Variants in NCKAP5 observed in about 807,000 individuals in gnomAD.
The protein encoded by NCKAP5 is NCK associated protein 5.
NCKAP5 carries 92 observed loss-of-function variants against 167.0 expected under a neutral mutation model. That is an observed-to-expected ratio of 0.55 (90% CI 0.47 to 0.66). The LOEUF (loss-of-function observed/expected upper bound fraction) is 0.66. Among genes scored for constraint, NCKAP5 ranks in the 30% least tolerant of loss-of-function variants. The pLI is 0.00. For synonymous variants in NCKAP5, 891 were observed against 877.4 expected (o/e 1.02, Z -0.27); for missense variants, 2,378 against 2,315.0 (o/e 1.03, Z -0.56).
chr2:133,031,463 A>G (rs2078876550), intron 6 of NCKAP5, among the ~76,000 whole-genome samples: 1 of 152,234 alleles, frequency 6.6e-6, no homozygotes, highest in Non-Finnish European at 1.5e-5. Context: ...GAGTGCCTGC[A>G]AACCTTGCCA....
chr2:133,247,365 T>C (rs2088052457), intron 4 of NCKAP5, among the ~76,000 whole-genome samples: 1 of 152,212 alleles, frequency 6.6e-6, no homozygotes, highest in African/African-American at 2.4e-5. Context: ...CATAAAGTGA[T>C]TTTATTCTAT....
intron 7 of NCKAP5, among the ~76,000 whole-genome samples, chr2:132,984,569 T>C (rs1182656874): frequency 6.6e-6 from 1 of 152,184 alleles, no homozygotes; most frequent in Non-Finnish European, 1.5e-5. Flanking sequence ...CGCCATGCTG[T>C]GCTCGCCGTG....
chr2:133,377,067 A>G (rs1290937826), intron 3 of NCKAP5, among the ~76,000 whole-genome samples: 1 of 152,232 alleles, frequency 6.6e-6, no homozygotes, highest in African/African-American at 2.4e-5. Flanking sequence ...TAACATACAA[A>G]AAAAGAAAAT....
intron 3 of NCKAP5, among the ~76,000 whole-genome samples, chr2:133,403,256 T>G (rs1386116422): frequency 1.3e-5 from 2 of 152,206 alleles, no homozygotes; most frequent in African/African-American, 4.8e-5. Context: ...GAAGTAATTA[T>G]GAGTAATTAA....
At chr2:133,262,371 C>T (rs1211346169) in intron 4 of NCKAP5, among the ~76,000 whole-genome samples, 2 of 152,168 alleles carry the variant, frequency 1.3e-5, no homozygotes, top group Non-Finnish European at 2.9e-5. Context: ...AGTGCTATGA[C>T]TTATGTTCAA....
At chr2:133,674,478 C>A in the NCKAP5 span, among the ~76,000 whole-genome samples, 1 of 152,042 alleles carries the variant, frequency 6.6e-6, no homozygotes. Context: ...GCAGACACCA[C>A]GTGCCATGTA....
intron 5 of NCKAP5, among the ~76,000 whole-genome samples, chr2:133,130,691 C>A (rs758173905): frequency 2.0e-5 from 3 of 152,152 alleles, no homozygotes; most frequent in Non-Finnish European, 2.9e-5. Context: ...GCTCATCTCA[C>A]GAACGGGTAT....
intron 13 of NCKAP5, among the ~76,000 whole-genome samples, chr2:132,788,111 C>G (rs904920381): frequency 6.6e-6 from 1 of 152,084 alleles, no homozygotes; most frequent in Admixed American, 6.6e-5. Flanking sequence ...CTAGGCCAAT[C>G]TTGAAGCTTG....
chr2:133,407,494 C>T lies in NCKAP5; in HGVS notation c.70-104384G>A, dbSNP rs1020525677. ...GACAGGAGGACGGGTGGGTTGGTTG[C>T]GGGAGGCAAGGCAAGGAATCCATTT... On this transcript the variant is annotated intron_variant, in intron 3 of 19. Coordinates refer to ENST00000409261, the MANE Select transcript of NCKAP5 (RefSeq NM_207363.3). 5.3e-5 allele frequency among the ~76,000 whole-genome samples: 8 copies of T among 152,228 alleles called. No homozygotes were observed. The South Asian group carries it at 1.0e-3, about 20-fold the overall frequency.
intron 3 of NCKAP5, among the ~76,000 whole-genome samples, chr2:133,355,424 A>G (rs760913446): frequency 1.3e-5 from 2 of 152,236 alleles, no homozygotes; most frequent in Non-Finnish European, 2.9e-5. Context: ...CTCAAGATAT[A>G]AGATGCTAAT....
chr2:133,438,766 G>C (rs1156804581), intron 3 of NCKAP5, among the ~76,000 whole-genome samples: 1 of 151,854 alleles, frequency 6.6e-6, no homozygotes, highest in African/African-American at 2.4e-5. Context: ...TATTCTCTAG[G>C]GATATTTGAT....
chr2:133,549,771 C>T (rs1687111192), intron 2 of NCKAP5, among the ~76,000 whole-genome samples: 1 of 150,076 alleles, frequency 6.7e-6, no homozygotes, highest in Admixed American at 6.6e-5. Context: ...GAAATAGAGA[C>T]ACAAAAAAAC....
At chr2:133,184,194 C>T (rs563878346) in intron 5 of NCKAP5, among the ~76,000 whole-genome samples, 133 of 152,070 alleles carry the variant, frequency 8.7e-4, no homozygotes, top group Non-Finnish European at 1.6e-3. Context: ...TTAACTCCCA[C>T]CTATAAGTGA....
intron 5 of NCKAP5, among the ~76,000 whole-genome samples, chr2:133,198,736 C>T (rs1381651616): frequency 2.0e-5 from 3 of 152,048 alleles, no homozygotes; most frequent in South Asian, 4.1e-4. Flanking sequence ...AGATTCAATG[C>T]TATTATTAAA....
At chr2:132,839,606 CA>C (rs1391433077) in intron 11 of NCKAP5, among the ~76,000 whole-genome samples, 1 of 151,732 alleles carries the variant, frequency 6.6e-6, no homozygotes, top group Non-Finnish European at 1.5e-5. Flanking sequence ...ACAAACAATA[CA>C]AAAATCAGCT....
At position 132,783,914 on chromosome 2, in the gene NCKAP5, C is replaced by T; in HGVS notation, c.2897G>A (p.Arg966Lys). Reference protein sequence around the residue: ...SETRVPSETARTPFKSPLLKG... With the variant: ...SETRVPSETAKTPFKSPLLKG... ...CAGCAGCGGGGATTTGAATGGGGTC[C>T]TTGCTGTTTCACTGGGGACCCTGGT... The change falls in exon 14 of 20, where the codon AGG (arginine) becomes AAG (lysine). Residue 966 changes from arginine (R) to lysine (K), a missense_variant. Arg to Lys is a conservative substitution (Grantham distance 26). Around this residue, in one of 3 missense-constraint regions of NCKAP5, gnomAD observed 1,325 missense variants for 1,274.5 expected, o/e 1.04. Transcript: ENST00000409261. The T allele has an allele frequency of 6.4e-7, 1 of 1,561,360 alleles. No individual in the cohort carries two copies. The highest frequency in any genetic ancestry group is 8.6e-7 in the Non-Finnish European group (1 of 1,158,660).
intron 8 of NCKAP5, among the ~76,000 whole-genome samples, chr2:132,914,882 C>T (rs1694740675): frequency 6.6e-6 from 1 of 151,428 alleles, no homozygotes; most frequent in Non-Finnish European, 1.5e-5. Context: ...TAGAGCAACA[C>T]TGCTGTATGA....
chr2:133,072,065 G>A (rs1242091419), intron 6 of NCKAP5, among the ~76,000 whole-genome samples: 1 of 147,222 alleles, frequency 6.8e-6, no homozygotes, highest in African/African-American at 2.5e-5. Context: ...GTGCCATGCT[G>A]TTTCATTTAT....
At chr2:132,757,623 C>T (rs192533676) in intron 16 of NCKAP5, among the ~76,000 whole-genome samples, 8 of 152,328 alleles carry the variant, frequency 5.3e-5, no homozygotes, top group Admixed American at 2.6e-4. Context: ...ATCATTCTAG[C>T]ATTTTACATC....
Sources: allele counts gnomAD v4.1 joint callset (sites outside exome capture counted in the v4.1 genomes callset), GRCh38; gene constraint gnomAD v4.1.1; regional missense constraint gnomAD v4.1.1; transcripts MANE v1.5; gene names NCBI Gene and HGNC (gene_info 2026-07-23, HGNC 2026-07-21).